PPP6R2: variants seen among roughly 807,000 people sequenced by gnomAD.
The protein encoded by PPP6R2 is serine/threonine-protein phosphatase 6 regulatory subunit 2.
Under a neutral mutation model 100.2 loss-of-function variants are expected in PPP6R2, and 62 were observed. The ratio of observed to expected loss-of-function variants is 0.62; its 90% CI spans 0.50 to 0.76. PPP6R2 has a LOEUF of 0.76. Ranked by LOEUF, PPP6R2 falls within the 30% of genes least tolerant of loss-of-function variation. PPP6R2 has a pLI of 0.00. For synonymous variants in PPP6R2, 525 were observed against 514.7 expected, an observed-to-expected ratio of 1.02 and a Z score of -0.27; for missense variants, 1,142 against 1,276.3, an observed-to-expected ratio of 0.89 and a Z score of 1.60.
chr22:50,396,973 C>G (rs541436799), intron 3 of PPP6R2, among the ~76,000 whole-genome samples: 44 of 152,242 alleles, frequency 2.9e-4, no homozygotes, highest in Middle Eastern at 3.4e-3. Flanking sequence ...GTGGCCCAGT[C>G]TGGTGACAAA....
chr22:50,427,288 G>C (rs576739821), intron 10 of PPP6R2, among the ~76,000 whole-genome samples: 1 of 151,962 alleles, frequency 6.6e-6, no homozygotes, highest in Non-Finnish European at 1.5e-5. Context: ...TGCCAGTGTC[G>C]CACTGTTTTG....
At chr22:50,413,979 C>G (rs879642386) in intron 4 of PPP6R2, among the ~76,000 whole-genome samples, 2 of 152,238 alleles carry the variant, frequency 1.3e-5, no homozygotes, top group African/African-American at 2.4e-5. Flanking sequence ...GCTGTGCCCC[C>G]CCATGGCCTC....
At position 50,437,494 on chromosome 22, in the gene PPP6R2, C is replaced by A; in HGVS notation, c.1684-12C>A. The A allele has an allele frequency of 2.7e-6, 3 of 1,106,466 alleles. No individual in the cohort carries two copies. The highest frequency in any genetic ancestry group is 2.5e-5 in the South Asian group (2 of 80,418). 68.5% of individuals were successfully genotyped at this position (1,106,466 alleles called of 1,614,324 possible). ...GTGTCTGTCCGTCCCTCCCTCCCTC[C>A]CTCCCTCCCAGGCCTTCTCTGACTA... On this transcript the variant is annotated splice_polypyrimidine_tract_variant and intron_variant, in intron 15 of 23. Transcript: ENST00000612753.
intron 3 of PPP6R2, among the ~76,000 whole-genome samples, chr22:50,405,307 A>AGGTGAGG (rs1569427642): frequency 8.8e-6 from 1 of 114,126 alleles, no homozygotes; most frequent in Non-Finnish European, 1.9e-5. Context: ...GGGAGGTGAG[A>AGGTGAGG]GGCCTGGAGA....
chr22:50,365,023 A>G (rs964946965), intron 1 of PPP6R2, among the ~76,000 whole-genome samples: 1 of 150,308 alleles, frequency 6.7e-6, no homozygotes, highest in Non-Finnish European at 1.5e-5. Context: ...TATATCTTCC[A>G]TGTCTTTACT....
At position 50,422,295 on chromosome 22, in the gene PPP6R2, G is replaced by T. The variant is rs751770526; in HGVS notation, c.887G>T (p.Arg296Met). ...LVDSFSQGLE[R>M]SYAVSSSVLH... ...GACTCCTTTTCTCAGGGACTGGAAA[G>T]GTCATACGCTGTCAGCAGCAGCGTA... Residue 296 changes from arginine (R) to methionine (M), a missense_variant, in exon 9 of 24, where the codon AGG (arginine) becomes ATG (methionine). By Grantham distance (91) the Arg-to-Met change is moderately conservative (BLOSUM62 -1). Around this residue, in one of 2 missense-constraint regions of PPP6R2, gnomAD observed 592 missense variants for 758.9 expected, o/e 0.78. Coordinates refer to ENST00000612753, the MANE Select transcript of PPP6R2 (RefSeq NM_001242898.2). 17 of 1,613,990 alleles carry T rather than the reference G, an allele frequency of 1.1e-5. No homozygotes were observed. The highest frequency in any genetic ancestry group is 1.4e-5 in the Non-Finnish European group (17 of 1,180,004).
At chr22:50,443,769 C>A in intron 22 of PPP6R2, 97 bp from the exon 23 acceptor site, 1 of 1,456,262 alleles carries the variant, frequency 6.9e-7, no homozygotes, top group Non-Finnish European at 9.2e-7. Flanking sequence ...TGCTCCCAGG[C>A]CGCCTGGACC....
At chr22:50,353,724 T>G (rs2148143207) in intron 1 of PPP6R2, among the ~76,000 whole-genome samples, 1 of 151,996 alleles carries the variant, frequency 6.6e-6, no homozygotes, top group African/African-American at 2.4e-5. Context: ...CTGTGTTGTT[T>G]TCCATTTCAC....
chr22:50,407,275 A>AGGCAGAGT (rs1556125757), intron 4 of PPP6R2, among the ~76,000 whole-genome samples: 3 of 151,584 alleles, frequency 2.0e-5, no homozygotes. Flanking sequence ...TGAACCTGGG[A>AGGCAGAGT]GGCAGAGGTT....
chr22:50,411,441 G>A (rs552552948), intron 4 of PPP6R2, among the ~76,000 whole-genome samples: 1 of 151,582 alleles, frequency 6.6e-6, no homozygotes, highest in Non-Finnish European at 1.5e-5. Context: ...GTAACAGAGC[G>A]AGACTCTGTC....
chr22:50,438,190 T>C lies in PPP6R2; in HGVS notation c.1856T>C (p.Phe619Ser), dbSNP rs1365226908. 1 of 1,613,372 alleles carries C rather than the reference T, an allele frequency of 6.2e-7. No individual in the cohort carries two copies. The highest frequency in any genetic ancestry group is 8.5e-7 in the Non-Finnish European group (1 of 1,179,762). ...ACTCTGCAGCCCAGCGCAGCTCTGT[T>C]TGAGGCCTGCTGCAGTGACCGCATC... ...ADEDSPSAAL[F>S]EACCSDRIQP... Residue 619 changes from phenylalanine (F) to serine (S), a missense_variant, in exon 18 of 24, where the codon TTT (phenylalanine) becomes TCT (serine). Around this residue, in one of 2 missense-constraint regions of PPP6R2, gnomAD observed 550 missense variants for 517.4 expected, o/e 1.06. Transcript: ENST00000612753.
At chr22:50,414,256 C>T (rs1452293848) in intron 4 of PPP6R2, among the ~76,000 whole-genome samples, 1 of 149,560 alleles carries the variant, frequency 6.7e-6, no homozygotes, top group East Asian at 2.0e-4. Context: ...GGCAGCTGCT[C>T]ACGGCAGCCT....
In PPP6R2 at chr22:50,406,889, A is replaced by C; in HGVS notation, c.414+14A>C. ...AAAACCGAACAGGTAAATCACGTGC[A>C]AAGCCTCCGTGACTTGGGGCACCGT... is the stretch of plus-strand genomic sequence containing the variant. On this transcript the variant is annotated intron_variant, in intron 4 of 23. Transcript: ENST00000612753. 4 of 1,608,928 alleles carry C rather than the reference A, an allele frequency of 2.5e-6. No homozygotes were observed. Among genetic ancestry groups the C allele is most frequent in the Non-Finnish European group, 3.4e-6 (4 of 1,175,342 alleles).
At chr22:50,339,237 GGT>G (rs549355878), upstream of PPP6R2, among the ~76,000 whole-genome samples, 289 of 127,084 alleles carry the variant, frequency 2.3e-3, 4 homozygotes, top group African/African-American at 8.6e-3. Flanking sequence ...GTGTGTTTAC[GGT>G]GTGTGTTGTG....
At chr22:50,410,111 T>G (rs142941271) in intron 4 of PPP6R2, among the ~76,000 whole-genome samples, 1 of 152,318 alleles carries the variant, frequency 6.6e-6, no homozygotes, top group Admixed American at 6.5e-5. Flanking sequence ...AATAAGCAAA[T>G]TTTAGAATGA....
chr22:50,421,974 G>C (rs1057353480), intron 8 of PPP6R2, among the ~76,000 whole-genome samples: 2 of 152,056 alleles, frequency 1.3e-5, no homozygotes, highest in Non-Finnish European at 2.9e-5. Flanking sequence ...CCTCTAACTG[G>C]TGCTAGGGCC....
At chr22:50,436,961 G>A (rs760433073) in intron 14 of PPP6R2, 27 bp from the exon 15 acceptor site, 36 of 1,542,228 alleles carry the variant, frequency 2.3e-5, no homozygotes, top group Non-Finnish European at 2.4e-5. Context: ...TGGCTCACAC[G>A]CCCACCCCAT....
rs929837009 is a variant in PPP6R2, at chr22:50,423,269, G to T, written c.973-193G>T. On this transcript the variant is annotated intron_variant, in intron 9 of 23. Transcript: ENST00000612753. The surrounding 1 kb of genome is among the most constrained non-coding windows in gnomAD (Gnocchi z 4.8). ...GGGAGCACTCTCTGAAGCCCTGAGG[G>T]GAGCAGCAGGCTCTTCACCCCATTG... Among the ~76,000 whole-genome samples, 8 of 152,272 alleles carry T rather than the reference G, an allele frequency of 5.3e-5. No homozygotes were observed. Among genetic ancestry groups the T allele is most frequent in the Middle Eastern group, 3.4e-3 (1 of 294 alleles).
intron 22 of PPP6R2, among the ~76,000 whole-genome samples, chr22:50,442,694 C>G (rs1389142355): frequency 1.3e-5 from 2 of 152,080 alleles, no homozygotes; most frequent in Non-Finnish European, 2.9e-5. Context: ...GGACTACAGG[C>G]ATCCGCCACC....
Sources: gnomAD v4.1 joint callset for allele counts (sites outside exome capture counted in the v4.1 genomes callset) on GRCh38, gnomAD v4.1.1 for gene constraint, gnomAD v4.1.1 regional missense constraint, Gnocchi (gnomAD v3.1) non-coding constraint, MANE v1.5 for transcripts, NCBI Gene and HGNC (gene_info 2026-07-23, HGNC 2026-07-21) for gene names.